The following TPP2 variants were observed in gnomAD, a reference collection of about 807,000 sequenced individuals.
TPP2 encodes the protein tripeptidyl-peptidase 2.
Under a neutral mutation model 155.9 loss-of-function variants are expected in TPP2, and 34 were observed. That is an observed-to-expected ratio of 0.22 (90% CI 0.17 to 0.29). TPP2 has a LOEUF of 0.29. Among genes scored for constraint, TPP2 ranks in the 10% least tolerant of loss-of-function variants. The pLI, the probability that TPP2 is intolerant of heterozygous loss-of-function variation, is 1.00. For synonymous variants in TPP2, 510 were observed against 529.4 expected (o/e 0.96, Z 0.50); for missense variants, 1,028 against 1,522.3 (o/e 0.68, Z 5.40).
intron 2 of TPP2, among the ~76,000 whole-genome samples, chr13:102,606,227 C>T (rs981127974): frequency 2.0e-5 from 3 of 152,190 alleles, no homozygotes; most frequent in African/African-American, 7.2e-5. Flanking sequence ...CACCTTTTGC[C>T]ATCTATCTGA....
Position 102,649,093 on chromosome 13 carries a change from T to C in TPP2, c.2815T>C (p.Leu939=). Residue 939 remains leucine (L), a synonymous_variant, in exon 22 of 30, where the codon TTG becomes CTG. Coordinates refer to ENST00000376052, the MANE Select transcript of TPP2 (RefSeq NM_001330588.2). The part of the protein sequence containing the change: ...ALLGKKKSSN[L]TLPPKYNQPF... Reference sequence around the variant, plus strand: ...TCTAGGGAAGAAGAAATCAAGCAATTTGACATTACCACCCAAATATAACCA... The same window carrying C: ...TCTAGGGAAGAAGAAATCAAGCAATCTGACATTACCACCCAAATATAACCA... 1.9e-6 allele frequency: 3 copies of C among 1,613,210 alleles called. No homozygotes were observed. The African/African-American group carries it at 4.0e-5, about 22-fold the overall frequency.
At chr13:102,609,218 G>A (rs1880077188) in intron 2 of TPP2, among the ~76,000 whole-genome samples, 1 of 151,938 alleles carries the variant, frequency 6.6e-6, no homozygotes, top group African/African-American at 2.4e-5. Flanking sequence ...ATGAGACTGG[G>A]GAATTTATGA....
At chr13:102,630,913 G>A (rs1881972295) in intron 10 of TPP2, among the ~76,000 whole-genome samples, 1 of 152,172 alleles carries the variant, frequency 6.6e-6, no homozygotes, top group African/African-American at 2.4e-5. Flanking sequence ...CCTACAGTGG[G>A]CAAGGCATAA....
intron 4 of TPP2, among the ~76,000 whole-genome samples, chr13:102,617,184 G>T (rs1880812126): frequency 6.6e-6 from 1 of 151,984 alleles, no homozygotes; most frequent in Non-Finnish European, 1.5e-5. Context: ...AAAGTGCTGG[G>T]ATTACAGGCA....
In TPP2 at chr13:102,637,135, T is replaced by C. The variant is rs546073161; in HGVS notation, c.1732T>C (p.Ser578Pro). ...TCATTTAGCTCTGACTTCAAATTCATCTTGGGTTCAGTGTCCCAGCCATTT... is the reference window on the plus strand; with the variant it reads ...TCATTTAGCTCTGACTTCAAATTCACCTTGGGTTCAGTGTCCCAGCCATTT... ...QLHLALTSNS[S>P]WVQCPSHLEL... is the part of the protein sequence containing the mutation. The change falls in exon 14 of 30, where the codon TCT becomes CCT. Residue 578 changes from serine (S) to proline (P), a missense_variant. Coordinates refer to ENST00000376052, the MANE Select transcript of TPP2 (RefSeq NM_001330588.2). 9.2e-5 allele frequency: 148 copies of C among 1,612,740 alleles called. 2 individuals carry two copies. The South Asian group carries it at 1.6e-3, about 17-fold the overall frequency.
intron 27 of TPP2, among the ~76,000 whole-genome samples, chr13:102,671,216 C>T (rs765011839): frequency 2.0e-5 from 3 of 152,158 alleles, no homozygotes; most frequent in Non-Finnish European, 4.4e-5. Context: ...GGAATTGCCG[C>T]TGGGGAAGGG....
intron 2 of TPP2, among the ~76,000 whole-genome samples, chr13:102,608,340 G>T (rs921731766): frequency 3.9e-5 from 6 of 151,972 alleles, no homozygotes; most frequent in African/African-American, 1.4e-4. Flanking sequence ...ATATGTGGAA[G>T]AAGAGAGTTT....
intron 1 of TPP2, among the ~76,000 whole-genome samples, chr13:102,602,916 TGTTTTTC>T (rs1022006605): frequency 2.6e-5 from 4 of 151,774 alleles, no homozygotes; most frequent in African/African-American, 9.7e-5. Flanking sequence ...TTTGTTTTTT[TGTTTTTC>T]GTTTTTTGTT....
intron 25 of TPP2, among the ~76,000 whole-genome samples, chr13:102,659,406 A>AT (rs1252173169): frequency 1.3e-5 from 2 of 152,214 alleles, no homozygotes; most frequent in African/African-American, 4.8e-5. Context: ...ATCCACAAAT[A>AT]GACATAGCAT....
intron 4 of TPP2, among the ~76,000 whole-genome samples, chr13:102,618,248 A>G (rs1349616886): frequency 1.3e-5 from 2 of 152,212 alleles, no homozygotes; most frequent in Non-Finnish European, 1.5e-5. Flanking sequence ...GCAGTTTCTA[A>G]AAGATATAAG....
At chr13:102,613,978 T>C in intron 2 of TPP2, 123 bp from the exon 3 acceptor site, 1 of 731,254 alleles carries the variant, frequency 1.4e-6, no homozygotes, top group Non-Finnish European at 2.2e-6. Context: ...TTGTTGTACA[T>C]GAGCATCCTT....
intron 17 of TPP2, among the ~76,000 whole-genome samples, chr13:102,644,117 C>T (rs1035786143): frequency 1.3e-5 from 2 of 152,056 alleles, no homozygotes; most frequent in African/African-American, 4.8e-5. Flanking sequence ...ATGTAAATGA[C>T]CATAATGTCA....
intron 2 of TPP2, among the ~76,000 whole-genome samples, chr13:102,606,309 A>T (rs771178624): frequency 2.0e-4 from 31 of 152,238 alleles, no homozygotes; most frequent in Non-Finnish European, 4.4e-4. Context: ...CGTGTAATAA[A>T]GCACCACAGA....
chr13:102,618,949 G>A (rs938304458), intron 5 of TPP2, 103 bp downstream of exon 5: 104 of 1,378,852 alleles, frequency 7.5e-5, no homozygotes, highest in Non-Finnish European at 9.4e-5. Flanking sequence ...GTTTATTCGT[G>A]ATATCACTCA....
chr13:102,668,716 T>C (rs955152743), intron 27 of TPP2, among the ~76,000 whole-genome samples: 3 of 152,132 alleles, frequency 2.0e-5, no homozygotes, highest in Non-Finnish European at 4.4e-5. Context: ...CAGGTATGGG[T>C]TGCAGGCAGA....
At chr13:102,638,616 C>G (rs779426843) in intron 15 of TPP2, among the ~76,000 whole-genome samples, 2 of 152,174 alleles carry the variant, frequency 1.3e-5, no homozygotes, top group Non-Finnish European at 2.9e-5. Flanking sequence ...TCGTCTGACC[C>G]GATCCCACTG....
chr13:102,670,274 T>A (rs662520), intron 27 of TPP2, among the ~76,000 whole-genome samples: 2 of 151,894 alleles, frequency 1.3e-5, no homozygotes, highest in African/African-American at 2.4e-5. Flanking sequence ...TATATGGCCT[T>A]TGTAATCAGA....
intron 7 of TPP2, among the ~76,000 whole-genome samples, 195 bp downstream of exon 7, chr13:102,627,361 C>T (rs1334988815): frequency 6.6e-6 from 1 of 151,696 alleles, no homozygotes; most frequent in Admixed American, 6.6e-5. Context: ...TTGGCCTAAC[C>T]TTTGTGAAAA....
At chr13:102,677,071 A>T (rs1400107073) in intron 29 of TPP2, among the ~76,000 whole-genome samples, 1 of 152,202 alleles carries the variant, frequency 6.6e-6, no homozygotes, top group African/African-American at 2.4e-5. Context: ...CTTTGGATGT[A>T]AAACTGATCA....
Sources: allele counts gnomAD v4.1 joint callset (sites outside exome capture counted in the v4.1 genomes callset), GRCh38; gene constraint gnomAD v4.1.1; transcripts MANE v1.5; gene names NCBI Gene and HGNC (gene_info 2026-07-23, HGNC 2026-07-21).